DMXL2: variants seen among roughly 807,000 people sequenced by gnomAD.
DMXL2 encodes Dmx like 2.
A neutral mutation model predicts 331.1 loss-of-function variants in DMXL2; 103 were observed. The observed-to-expected ratio is 0.31, with a 90% CI of 0.27 to 0.37. The LOEUF is 0.37. Ranked by LOEUF, DMXL2 falls within the 10% of genes least tolerant of loss-of-function variation. The probability of loss-of-function intolerance (pLI) is 1.00; values close to 1 mark genes in which losing one functional copy is unlikely to be tolerated. For synonymous variants in DMXL2, 1,281 were observed against 1,252.1 expected (o/e 1.02, Z -0.49); for missense variants, 3,171 against 3,642.9 (o/e 0.87, Z 3.33).
At chr15:51,469,433 A>C (rs1283532403) in intron 29 of DMXL2, among the ~76,000 whole-genome samples, 1 of 152,182 alleles carries the variant, frequency 6.6e-6, no homozygotes, top group South Asian at 2.1e-4. Flanking sequence ...TAAGTTTTTA[A>C]TGGCATAAAA....
intron 1 of DMXL2, among the ~76,000 whole-genome samples, chr15:51,582,633 C>G (rs1346456153): frequency 6.6e-6 from 1 of 152,132 alleles, no homozygotes; most frequent in East Asian, 1.9e-4. Flanking sequence ...AAAACCCTAG[C>G]TCTTTATGAT....
intron 4 of DMXL2, 91 bp from the exon 5 acceptor site, chr15:51,564,351 A>G (rs2050143630): frequency 3.0e-6 from 3 of 994,916 alleles, no homozygotes; most frequent in East Asian, 3.2e-5. Context: ...TAAACTATTA[A>G]TATTATGTGA....
At chr15:51,618,557 A>T (rs559406222) in intron 1 of DMXL2, among the ~76,000 whole-genome samples, 33 of 147,446 alleles carry the variant, frequency 2.2e-4, no homozygotes, top group East Asian at 2.1e-3. Context: ...ATTTTAATTT[A>T]AAAAAAAAAT....
chr15:51,586,736 G>T (rs956044043), intron 1 of DMXL2, among the ~76,000 whole-genome samples: 1 of 151,748 alleles, frequency 6.6e-6, no homozygotes, highest in Non-Finnish European at 1.5e-5. Context: ...TTTCACTGGT[G>T]GTAGTAATAT....
intron 1 of DMXL2, among the ~76,000 whole-genome samples, chr15:51,587,141 T>TA (rs1387112864): frequency 6.6e-6 from 1 of 152,258 alleles, no homozygotes; most frequent in Non-Finnish European, 1.5e-5. Flanking sequence ...TACTACTTTT[T>TA]AAAATAGCTA....
chr15:51,481,052 G>C lies in DMXL2; in HGVS notation c.6054C>G (p.Asn2018Lys). Residue 2018 changes from asparagine (N) to lysine (K), a missense_variant, in exon 24 of 44, where the codon AAC becomes AAG. Around this residue, in one of 7 missense-constraint regions of DMXL2, gnomAD observed 244 missense variants for 251.4 expected, o/e 0.97. Coordinates refer to ENST00000560891, the MANE Select transcript of DMXL2 (RefSeq NM_001378457.1). ...CCTCTTCCTGAGGTGTTAATAACAT[G>C]TTAGGGTCTGAGGCCTTCTGATCTG... ...KQSDQKASDP[N>K]MLLTPQEEDD... is the part of the protein sequence containing the mutation. 1 of 1,614,146 alleles carries C rather than the reference G, an allele frequency of 6.2e-7. No individual in the cohort carries two copies.
At position 51,478,597 on chromosome 15, in the gene DMXL2, C is replaced by T. The variant is rs762753114; in HGVS notation, c.6757-250G>A. Reference sequence around the variant, plus strand: ...TTACTTACTGTGAGCCTGCCGTTTACGAGGCCCTGAGCAAAGTGCTAATGT... The same window carrying T: ...TTACTTACTGTGAGCCTGCCGTTTATGAGGCCCTGAGCAAAGTGCTAATGT... On this transcript the variant is annotated intron_variant, in intron 25 of 43. Coordinates refer to ENST00000560891, the MANE Select transcript of DMXL2 (RefSeq NM_001378457.1). Among the ~76,000 whole-genome samples, 17 of 152,096 alleles carry T rather than the reference C, an allele frequency of 1.1e-4. 1 individual carries two copies. Among genetic ancestry groups the T allele is most frequent in the Non-Finnish European group, 2.2e-4 (15 of 67,972 alleles).
chr15:51,586,855 A>G (rs988218020), intron 1 of DMXL2, among the ~76,000 whole-genome samples: 1 of 152,146 alleles, frequency 6.6e-6, no homozygotes, highest in Non-Finnish European at 1.5e-5. Flanking sequence ...CATTCTCAAT[A>G]AAAGGTAGAT....
chr15:51,602,257 CT>C (rs2053278694), intron 1 of DMXL2, among the ~76,000 whole-genome samples: 1 of 152,154 alleles, frequency 6.6e-6, no homozygotes, highest in Non-Finnish European at 1.5e-5. Flanking sequence ...AAGCCATTTA[CT>C]TTTGGCTCAA....
chr15:51,456,279 A>C (rs1308780354), intron 38 of DMXL2, 30 bp downstream of exon 38: 1 of 1,596,034 alleles, frequency 6.3e-7, no homozygotes, highest in Non-Finnish European at 8.5e-7. Flanking sequence ...AAATGAGGAC[A>C]CTTACAATTA....
chr15:51,577,015 T>C (rs1388564864), intron 1 of DMXL2, among the ~76,000 whole-genome samples: 1 of 152,244 alleles, frequency 6.6e-6, no homozygotes, highest in Admixed American at 6.5e-5. Context: ...ATGCTATTCC[T>C]GTTTTGCAAC....
intron 13 of DMXL2, among the ~76,000 whole-genome samples, chr15:51,525,764 C>T (rs1440976644): frequency 6.6e-6 from 1 of 151,972 alleles, no homozygotes; most frequent in East Asian, 1.9e-4. Context: ...GTTTGAGTAC[C>T]AGCTCGGCCA....
intron 29 of DMXL2, among the ~76,000 whole-genome samples, chr15:51,470,212 T>C (rs986535792): frequency 6.6e-6 from 1 of 152,150 alleles, no homozygotes; most frequent in African/African-American, 2.4e-5. Flanking sequence ...CATGGCTCAC[T>C]GCCACGCTGA....
Position 51,536,538 on chromosome 15 carries a change from C to T in DMXL2, c.1942G>A (p.Gly648Ser), listed in dbSNP as rs112165438. ...LTVSHKFRYC[G>S]HRFHLNDLAC... ...AGGTCATTGAGGTGAAATCGATGACCGCAATATCTAAATTTGTGAGATACA... is the reference window on the plus strand; with the variant it reads ...AGGTCATTGAGGTGAAATCGATGACTGCAATATCTAAATTTGTGAGATACA... Residue 648 changes from glycine to serine, a missense_variant, in exon 12 of 44, where the codon GGT (glycine) becomes AGT (serine). This residue lies in a region of DMXL2 where 1,674 missense variants were observed against 1,780.2 expected (regional missense o/e 0.94). Transcript: ENST00000560891. The T allele has an allele frequency of 2.5e-6, 4 of 1,613,642 alleles. No individual in the cohort carries two copies. The highest frequency in any genetic ancestry group is 1.3e-5 in the African/African-American group (1 of 74,946).
chr15:51,479,817 G>A (rs1342918187), intron 25 of DMXL2, 131 bp downstream of exon 25: 3 of 585,546 alleles, frequency 5.1e-6, no homozygotes, highest in African/African-American at 1.9e-5. Context: ...TGGACTAATA[G>A]TCTTGAACTG....
intron 43 of DMXL2, 114 bp from the exon 44 acceptor site, chr15:51,449,307 A>C: frequency 1.1e-6 from 1 of 898,932 alleles, no homozygotes; most frequent in Non-Finnish European, 1.7e-6. Context: ...CTTCCCACCC[A>C]CTGCCTCTTT....
chr15:51,468,328 C>T (rs2040785976), intron 29 of DMXL2, among the ~76,000 whole-genome samples: 1 of 152,120 alleles, frequency 6.6e-6, no homozygotes, highest in Non-Finnish European at 1.5e-5. Flanking sequence ...AGCAGGCAAA[C>T]TCAAACACTA....
chr15:51,559,510 T>C (rs1202506471), intron 6 of DMXL2, among the ~76,000 whole-genome samples: 1 of 151,114 alleles, frequency 6.6e-6, no homozygotes, highest in South Asian at 2.1e-4. Flanking sequence ...AGGTCAGGAG[T>C]TCAAAACCAG....
chr15:51,534,873 T>A (rs1053253341), intron 13 of DMXL2, among the ~76,000 whole-genome samples: 1 of 152,132 alleles, frequency 6.6e-6, no homozygotes, highest in African/African-American at 2.4e-5. Flanking sequence ...TAATCTGATC[T>A]CTCTCTCTCC....
Sources: allele counts gnomAD v4.1 joint callset (sites outside exome capture counted in the v4.1 genomes callset), GRCh38; gene constraint gnomAD v4.1.1; regional missense constraint gnomAD v4.1.1; transcripts MANE v1.5; gene names NCBI Gene and HGNC (gene_info 2026-07-23, HGNC 2026-07-21).